SAMD5: variants seen among roughly 807,000 people sequenced by gnomAD.
SAMD5 encodes sterile alpha motif domain-containing protein 5.
In SAMD5, 13 loss-of-function variants were observed where a neutral mutation model predicts 11.3. The ratio of observed to expected loss-of-function variants is 1.15; its 90% CI spans 0.75 to 1.83. SAMD5 has a LOEUF of 1.83. SAMD5 is among the 40% of genes most tolerant of loss of function. SAMD5 has a pLI of 0.00. For synonymous variants in SAMD5, 129 were observed against 111.3 expected, an observed-to-expected ratio of 1.16 and a Z score of -1.00; for missense variants, 255 against 239.1, an observed-to-expected ratio of 1.07 and a Z score of -0.44.
intron 1 of SAMD5, among the ~76,000 whole-genome samples, chr6:147,727,551 A>T (rs992778882): frequency 6.6e-6 from 1 of 152,186 alleles, no homozygotes; most frequent in Non-Finnish European, 1.5e-5. Context: ...TTATTAGCCA[A>T]TGAATGTGGA....
chr6:147,810,194 G>T, the SAMD5 span, among the ~76,000 whole-genome samples: 1 of 152,070 alleles, frequency 6.6e-6, no homozygotes, highest in Non-Finnish European at 1.5e-5. Context: ...TTATAATCAC[G>T]TAACACATTT....
chr6:147,545,373 TAG>T (rs1289041686), intron 1 of SAMD5, among the ~76,000 whole-genome samples: 2 of 152,228 alleles, frequency 1.3e-5, no homozygotes, highest in East Asian at 3.8e-4. Flanking sequence ...TTGATTGAGT[TAG>T]AGAGTTCAGT....
chr6:147,850,352 G>GT, the SAMD5 span, among the ~76,000 whole-genome samples: 1,877 of 152,224 alleles, frequency 0.012, 42 homozygotes, highest in South Asian at 0.075. Flanking sequence ...AAATTAACTG[G>GT]TTTTTAAATT....
intron 1 of SAMD5, among the ~76,000 whole-genome samples, chr6:147,690,803 CTG>C (rs1684748782): frequency 6.6e-6 from 1 of 152,090 alleles, no homozygotes; most frequent in South Asian, 2.1e-4. Flanking sequence ...TGTTTCCTCT[CTG>C]GAAATGAGAG....
intron 1 of SAMD5, among the ~76,000 whole-genome samples, chr6:147,590,219 G>A (rs565512333): frequency 8.5e-5 from 13 of 152,150 alleles, no homozygotes; most frequent in African/African-American, 3.1e-4. Flanking sequence ...TATTTCCTTG[G>A]GTTTTTGCAG....
intron 1 of SAMD5, among the ~76,000 whole-genome samples, chr6:147,718,862 T>G (rs1304582011): frequency 6.6e-6 from 1 of 152,180 alleles, no homozygotes; most frequent in Non-Finnish European, 1.5e-5. Flanking sequence ...GGCTAATTTT[T>G]GTATTTTTAG....
At chr6:147,804,192 C>G in the SAMD5 span, among the ~76,000 whole-genome samples, 2 of 151,130 alleles carry the variant, frequency 1.3e-5, no homozygotes, top group Non-Finnish European at 2.9e-5. Flanking sequence ...GCTGCAACTT[C>G]CACCTCTTGA....
At chr6:147,619,422 T>C (rs1562335141) in intron 1 of SAMD5, among the ~76,000 whole-genome samples, 1 of 152,178 alleles carries the variant, frequency 6.6e-6, no homozygotes, top group East Asian at 1.9e-4. Context: ...ATAAGATCCA[T>C]GGCAGATATG....
chr6:147,526,582 G>A (rs765153), intron 1 of SAMD5, among the ~76,000 whole-genome samples: 30,269 of 152,194 alleles, frequency 0.2, 3,245 homozygotes, highest in Admixed American at 0.29. Context: ...GTGAAGGATA[G>A]GTAGGATTTT....
chr6:147,783,281 T>G, the SAMD5 span, among the ~76,000 whole-genome samples: 1 of 151,734 alleles, frequency 6.6e-6, no homozygotes, highest in East Asian at 1.9e-4. Context: ...ATATTAATGA[T>G]AATAATATAC....
At chr6:147,840,011 C>G in the SAMD5 span, among the ~76,000 whole-genome samples, 1 of 152,152 alleles carries the variant, frequency 6.6e-6, no homozygotes, top group Non-Finnish European at 1.5e-5. Context: ...ATCCAAAACC[C>G]ATGTTTTTTC....
chr6:147,615,250 T>C (rs1789848584), intron 1 of SAMD5, among the ~76,000 whole-genome samples: 1 of 150,262 alleles, frequency 6.7e-6, no homozygotes, highest in Non-Finnish European at 1.5e-5. Flanking sequence ...ACAGTACATT[T>C]AAAATACCAA....
At chr6:147,897,035 T>C in the SAMD5 span, among the ~76,000 whole-genome samples, 1 of 152,144 alleles carries the variant, frequency 6.6e-6, no homozygotes, top group Non-Finnish European at 1.5e-5. Context: ...TGACTGCTAA[T>C]GGGAATGAGG....
At chr6:147,830,862 A>C in the SAMD5 span, among the ~76,000 whole-genome samples, 1 of 152,232 alleles carries the variant, frequency 6.6e-6, no homozygotes, top group Non-Finnish European at 1.5e-5. Flanking sequence ...AGTAACAAGA[A>C]ACATGTTAAA....
At chr6:147,797,785 G>A in the SAMD5 span, among the ~76,000 whole-genome samples, 5 of 146,794 alleles carry the variant, frequency 3.4e-5, no homozygotes, top group African/African-American at 1.3e-4. Flanking sequence ...CTTCTTCCTG[G>A]TTTAGTCTTG....
the SAMD5 span, among the ~76,000 whole-genome samples, chr6:147,894,367 C>G: frequency 1.3e-5 from 2 of 152,256 alleles, no homozygotes; most frequent in South Asian, 4.1e-4. Flanking sequence ...TGTGATCCGC[C>G]TGCATCGGCC....
chr6:147,542,470 A>G (rs989825369), intron 1 of SAMD5, among the ~76,000 whole-genome samples: 2 of 152,354 alleles, frequency 1.3e-5, no homozygotes, highest in Non-Finnish European at 2.9e-5. Flanking sequence ...TGTTACTCCA[A>G]TCAGTCTCCC....
chr6:147,800,392 G>A, the SAMD5 span, among the ~76,000 whole-genome samples: 2 of 152,016 alleles, frequency 1.3e-5, no homozygotes. Context: ...GGGGTCAGGG[G>A]TCAGGGACCC....
intron 1 of SAMD5, among the ~76,000 whole-genome samples, chr6:147,673,663 A>G (rs1288916577): frequency 4.6e-5 from 7 of 152,106 alleles, no homozygotes; most frequent in Non-Finnish European, 1.0e-4. Flanking sequence ...TTAAATGCTG[A>G]TTTCATTTTT....
Sources: gnomAD v4.1 joint callset for allele counts (sites outside exome capture counted in the v4.1 genomes callset) on GRCh38, gnomAD v4.1.1 for gene constraint, MANE v1.5 for transcripts, NCBI Gene and HGNC (gene_info 2026-07-23, HGNC 2026-07-21) for gene names.